Variants in SLC44A1 observed in about 807,000 individuals in gnomAD.
SLC44A1 encodes the protein solute carrier family 44 member 1.
In SLC44A1, 26 loss-of-function variants were observed where a neutral mutation model predicts 79.3. The observed-to-expected ratio is 0.33, with a 90% confidence interval of 0.24 to 0.46. The LOEUF is 0.46. Among genes scored for constraint, SLC44A1 ranks in the 20% least tolerant of loss-of-function variants. The pLI is 1.00. For missense variants in SLC44A1, 688 were observed against 798.1 expected (o/e 0.86, Z 1.66); for synonymous variants, 263 against 286.2 (o/e 0.92, Z 0.82).
At chr9:105,352,753 C>T (rs765883277) in intron 5 of SLC44A1, among the ~76,000 whole-genome samples, 14 of 152,046 alleles carry the variant, frequency 9.2e-5, no homozygotes, top group East Asian at 5.8e-4. Flanking sequence ...TATATGAAAT[C>T]GGTGAATTCA....
chr9:105,361,945 G>A (rs1317847480), intron 8 of SLC44A1, among the ~76,000 whole-genome samples: 1 of 152,148 alleles, frequency 6.6e-6, no homozygotes, highest in Non-Finnish European at 1.5e-5. Context: ...CAGCTACTCG[G>A]GAGGCAGAGG....
At chr9:105,322,167 C>T (rs1826413748) in intron 3 of SLC44A1, among the ~76,000 whole-genome samples, 1 of 152,174 alleles carries the variant, frequency 6.6e-6, no homozygotes, top group African/African-American at 2.4e-5. Flanking sequence ...TAGTTACTGA[C>T]ATAAAGCACT....
intron 1 of SLC44A1, among the ~76,000 whole-genome samples, chr9:105,282,750 T>C (rs1231642557): frequency 6.6e-6 from 1 of 152,112 alleles, no homozygotes; most frequent in Admixed American, 6.5e-5. Context: ...GGTTTCACCA[T>C]GTTGGCCAGG....
chr9:105,260,180 CTTGCT>C (rs1829807637), intron 1 of SLC44A1, among the ~76,000 whole-genome samples: 1 of 152,196 alleles, frequency 6.6e-6, no homozygotes, highest in African/African-American at 2.4e-5. Flanking sequence ...AGAGGTTCTT[CTTGCT>C]CACTTCATAC....
downstream of SLC44A1, among the ~76,000 whole-genome samples, chr9:105,400,644 G>A (rs187864071): frequency 7.2e-5 from 11 of 152,150 alleles, no homozygotes; most frequent in East Asian, 1.9e-4. Flanking sequence ...GTAACCTCCC[G>A]AAAGTGCAAT....
At chr9:105,425,134 T>C (rs1829304599) in intron 15 of SLC44A1, among the ~76,000 whole-genome samples, 1 of 152,178 alleles carries the variant, frequency 6.6e-6, no homozygotes, top group Non-Finnish European at 1.5e-5. Flanking sequence ...TAAAACCTAC[T>C]TTTTTCACTT....
intron 15 of SLC44A1, among the ~76,000 whole-genome samples, chr9:105,430,280 A>G (rs1403737407): frequency 6.6e-6 from 1 of 152,222 alleles, no homozygotes. Context: ...AAAAATTAAG[A>G]TATCATTAAC....
At chr9:105,366,830 A>G (rs939626071) in intron 12 of SLC44A1, among the ~76,000 whole-genome samples, 1 of 152,074 alleles carries the variant, frequency 6.6e-6, no homozygotes, top group African/African-American at 2.4e-5. Flanking sequence ...TTACCCTTTC[A>G]TTTTTAAAAA....
Position 105,392,070 on chromosome 9 carries a change from C to T in SLC44A1, c.*3014C>T. 1.0e-6 allele frequency: 1 copy of T among 985,166 alleles called. No individual in the cohort carries two copies. The highest frequency in any genetic ancestry group is 1.2e-6 in the Non-Finnish European group (1 of 829,758). The allele number at this position is 985,166 out of a possible 1,614,324, so 61.0% of individuals were successfully genotyped here. A position where few individuals can be genotyped will look rare whatever the true frequency, so the allele number is the denominator to read the frequency against. ...TATTTCAGTGTAAATCCAAGAGACC[C>T]ATCTTCTATGAGAGGCTTACCAGTG... On this transcript the variant is annotated 3_prime_UTR_variant, in exon 16 of 16. Coordinates refer to ENST00000374720, the MANE Select transcript of SLC44A1 (RefSeq NM_080546.5).
chr9:105,366,470 G>T, intron 12 of SLC44A1, 41 bp downstream of exon 12: 1 of 897,980 alleles, frequency 1.1e-6, no homozygotes, highest in Non-Finnish European at 1.6e-6. Context: ...TACTTTCAAA[G>T]ATAGGTTCAT....
At chr9:105,280,378 A>C (rs1330597058) in intron 1 of SLC44A1, among the ~76,000 whole-genome samples, 1 of 152,198 alleles carries the variant, frequency 6.6e-6, no homozygotes, top group Non-Finnish European at 1.5e-5. Flanking sequence ...GTAGGATTAA[A>C]TGAGATAAAG....
chr9:105,284,410 G>A lies in SLC44A1; in HGVS notation c.37-14810G>A, dbSNP rs183523837. 9.5e-4 allele frequency among the ~76,000 whole-genome samples: 145 copies of A among 151,980 alleles called. 1 individual carries two copies. Among genetic ancestry groups the A allele is most frequent in the African/African-American group, 3.4e-3 (141 of 41,462 alleles). On this transcript the variant is annotated intron_variant, in intron 1 of 15. Transcript: ENST00000374720. ...GTAGCTGTGTTTATACTGCAGTCTG[G>A]TTTTGCCTTGTCACGTGAGTCCTTT...
chr9:105,264,192 T>G (rs1829907687), intron 1 of SLC44A1, among the ~76,000 whole-genome samples: 1 of 151,934 alleles, frequency 6.6e-6, no homozygotes, highest in Non-Finnish European at 1.5e-5. Context: ...TGAGATGGAG[T>G]CTACTCTGTC....
intron 1 of SLC44A1, among the ~76,000 whole-genome samples, chr9:105,296,927 C>T (rs1192929000): frequency 6.6e-6 from 1 of 152,154 alleles, no homozygotes; most frequent in Non-Finnish European, 1.5e-5. Flanking sequence ...CAGACTAACT[C>T]CTTCCTGCCA....
At chr9:105,406,917 T>A (rs1564054387) in intron 15 of SLC44A1, among the ~76,000 whole-genome samples, 1 of 151,736 alleles carries the variant, frequency 6.6e-6, no homozygotes, top group Non-Finnish European at 1.5e-5. Context: ...AAGACATCAA[T>A]AAAAATATAG....
intron 1 of SLC44A1, 47 bp downstream of exon 1, chr9:105,244,951 C>A: frequency 1.9e-6 from 2 of 1,053,050 alleles, no homozygotes; most frequent in Non-Finnish European, 2.4e-6. Context: ...GCCTCCCGTG[C>A]GCCGCGTCGC....
rs909554526 is a variant in SLC44A1 at position 105,391,719 on chromosome 9, A to G, written c.*2663A>G. ...GCTAGCTATGGGCTGCCTTATTGCT[A>G]TTCGCTCACTGCTTCCATCTTCTGC... On this transcript the variant is annotated 3_prime_UTR_variant, in exon 16 of 16. Transcript: ENST00000374720. The G allele has an allele frequency of 1.6e-5, 16 of 985,160 alleles. No individual in the cohort carries two copies. In the East Asian group the frequency reaches 3.4e-4, roughly 21 times the overall value. The allele number at this position is 985,160 out of a possible 1,614,324, so 61.0% of individuals were successfully genotyped here.
chr9:105,368,418 A>G, intron 12 of SLC44A1, among the ~76,000 whole-genome samples: 1 of 152,224 alleles, frequency 6.6e-6, no homozygotes, highest in South Asian at 2.1e-4. Context: ...TCCTGGGCTC[A>G]TAGGAAATGC....
chr9:105,290,541 T>C (rs1438756546), intron 1 of SLC44A1, among the ~76,000 whole-genome samples: 1 of 152,234 alleles, frequency 6.6e-6, no homozygotes, highest in Admixed American at 6.5e-5. Flanking sequence ...AGGTAAAATA[T>C]GTTATTAGCT....
Sources: gnomAD v4.1 joint callset for allele counts (sites outside exome capture counted in the v4.1 genomes callset) on GRCh38, gnomAD v4.1.1 for gene constraint, MANE v1.5 for transcripts, NCBI Gene and HGNC (gene_info 2026-07-23, HGNC 2026-07-21) for gene names.